Variants in EPN2 observed in about 807,000 individuals in gnomAD.
The protein encoded by EPN2 is epsin 2.
A neutral mutation model predicts 61.7 loss-of-function variants in EPN2; 34 were observed. That is an observed-to-expected ratio of 0.55 (90% CI 0.42 to 0.73). The LOEUF (loss-of-function observed/expected upper bound fraction) is 0.73, where lower values mean the gene tolerates loss of function less well. Ranked by LOEUF, EPN2 falls within the 30% of genes least tolerant of loss-of-function variation. The pLI, the probability that EPN2 is intolerant of heterozygous loss-of-function variation, is 0.00. For missense variants in EPN2, 714 were observed against 839.2 expected (o/e 0.85, Z 1.84); for synonymous variants, 349 against 353.6 (o/e 0.99, Z 0.15).
chr17:19,291,594 C>T lies in EPN2; in HGVS notation c.766+5804C>T, dbSNP rs552054848. On this transcript the variant is annotated intron_variant, in intron 4 of 10. Transcript: ENST00000314728. ...CTGGGACTACAGGCGCCCGCCACTG[C>T]GCCCGGCTAATTTTTTTTTGTGTTT... Among the ~76,000 whole-genome samples, 9 of 152,090 alleles carry T rather than the reference C, an allele frequency of 5.9e-5. No homozygotes were observed. The South Asian group carries it at 1.7e-3, about 28-fold the overall frequency.
intron 4 of EPN2, among the ~76,000 whole-genome samples, chr17:19,300,427 CTT>C (rs72338416): frequency 1.1e-4 from 12 of 108,932 alleles, no homozygotes; most frequent in Non-Finnish European, 1.6e-4. Flanking sequence ...AACTGTAAAT[CTT>C]TTTTTTTTTT....
chr17:19,311,622 G>A (rs959971170), intron 5 of EPN2, among the ~76,000 whole-genome samples: 2 of 152,066 alleles, frequency 1.3e-5, no homozygotes, highest in Admixed American at 6.6e-5. Context: ...GCCATTTTCC[G>A]GAAGCATACA....
intron 1 of EPN2, among the ~76,000 whole-genome samples, chr17:19,247,793 G>A (rs976554707): frequency 6.6e-6 from 1 of 152,236 alleles, no homozygotes; most frequent in African/African-American, 2.4e-5. Flanking sequence ...GCCTGGCCCA[G>A]ACTGGCTTCC....
intron 7 of EPN2, chr17:19,313,633 A>G (rs553887717): frequency 8.0e-6 from 2 of 250,672 alleles, no homozygotes; most frequent in Admixed American, 5.4e-5. Flanking sequence ...AATACACAGC[A>G]TGGAACATCC....
intron 7 of EPN2, among the ~76,000 whole-genome samples, chr17:19,317,319 A>G (rs1906429982): frequency 6.6e-6 from 1 of 152,234 alleles, no homozygotes; most frequent in Non-Finnish European, 1.5e-5. Context: ...CACACAAAGC[A>G]GCCACCTGGT....
intron 4 of EPN2, among the ~76,000 whole-genome samples, chr17:19,307,497 A>G (rs1045794508): frequency 6.6e-6 from 1 of 152,114 alleles, no homozygotes; most frequent in African/African-American, 2.4e-5. Flanking sequence ...TATTTTTAGT[A>G]GAGATGAGGT....
At chr17:19,281,331 T>A (rs1234993055) in intron 1 of EPN2, among the ~76,000 whole-genome samples, 1 of 152,182 alleles carries the variant, frequency 6.6e-6, no homozygotes, top group African/African-American at 2.4e-5. Flanking sequence ...CAAAAAGACA[T>A]CACTGTGGAG....
At chr17:19,296,667 G>A (rs2045523464) in intron 4 of EPN2, 1 of 152,132 alleles carries the variant, frequency 6.6e-6, no homozygotes, top group Non-Finnish European at 1.5e-5. Context: ...GGAGCATTGT[G>A]GCACAATCAT....
chr17:19,314,205 C>T (rs1353602977), intron 7 of EPN2, among the ~76,000 whole-genome samples: 1 of 152,108 alleles, frequency 6.6e-6, no homozygotes, highest in African/African-American at 2.4e-5. Flanking sequence ...AGGCCCTGCT[C>T]AGGAGCGGGC....
intron 4 of EPN2, chr17:19,307,870 C>T: frequency 1.0e-6 from 1 of 981,390 alleles, no homozygotes; most frequent in Non-Finnish European, 1.2e-6. Flanking sequence ...GTTTTATTCA[C>T]CATAGCCATG....
At chr17:19,276,778 T>TTTTTTTTTTTTTG (rs2045311124) in intron 1 of EPN2, among the ~76,000 whole-genome samples, 1 of 144,930 alleles carries the variant, frequency 6.9e-6, no homozygotes, top group African/African-American at 2.8e-5. Flanking sequence ...AATAAGTTTT[T>TTTTTTTTTTTTTG]TTTTTTTTTT....
intron 10 of EPN2, among the ~76,000 whole-genome samples, chr17:19,332,971 C>T (rs542782321): frequency 6.6e-4 from 100 of 152,380 alleles, no homozygotes; most frequent in Middle Eastern, 3.4e-3. Context: ...AGAATTACCA[C>T]TGAACTTACA....
In EPN2 at chr17:19,271,339, G is replaced by C. The variant is rs189904760; in HGVS notation, c.-293-10616G>C. 1.8e-3 allele frequency among the ~76,000 whole-genome samples: 270 copies of C among 152,304 alleles called. 1 individual carries two copies. The highest frequency in any genetic ancestry group is 6.0e-3 in the African/African-American group (251 of 41,566). ...GTCTAGTGACAGATAGAGGAAGGAC[G>C]CTGGGTGGGGGAAATGGCAGGTGCA... is the stretch of plus-strand genomic sequence containing the variant. On this transcript the variant is annotated intron_variant, in intron 1 of 10. Transcript: ENST00000314728.
intron 1 of EPN2, chr17:19,279,781 G>A (rs181651526): frequency 6.6e-6 from 1 of 150,628 alleles, no homozygotes; most frequent in Admixed American, 6.6e-5. Context: ...AACCATTTGA[G>A]ACCATTTTAC....
intron 4 of EPN2, among the ~76,000 whole-genome samples, chr17:19,286,025 G>A (rs565673999): frequency 6.6e-6 from 1 of 152,278 alleles, no homozygotes; most frequent in Non-Finnish European, 1.5e-5. Flanking sequence ...TTTAGCAGGG[G>A]AGCTGTTCTT....
chr17:19,247,162 A>T (rs2044962292), intron 1 of EPN2, among the ~76,000 whole-genome samples: 1 of 152,158 alleles, frequency 6.6e-6, no homozygotes, highest in Non-Finnish European at 1.5e-5. Context: ...TTGGAGAAAG[A>T]ATTTGTATGT....
intron 7 of EPN2, among the ~76,000 whole-genome samples, chr17:19,319,887 A>G (rs9915273): frequency 0.97 from 147,369 of 152,332 alleles, 71,548 homozygotes; most frequent in African/African-American, 0.99. Context: ...ACCTTGATCC[A>G]CCCGCCTCGG....
chr17:19,292,291 G>A (rs1270321102), intron 4 of EPN2, among the ~76,000 whole-genome samples: 2 of 152,188 alleles, frequency 1.3e-5, no homozygotes, highest in African/African-American at 2.4e-5. Context: ...CACCAGCCAG[G>A]TATTTCCTAG....
At chr17:19,259,439 A>G (rs2045116482) in intron 1 of EPN2, among the ~76,000 whole-genome samples, 1 of 150,404 alleles carries the variant, frequency 6.6e-6, no homozygotes, top group African/African-American at 2.5e-5. Context: ...CAGCCTCCTG[A>G]GTAGCTGGCA....
Sources: gnomAD v4.1 joint callset for allele counts (sites outside exome capture counted in the v4.1 genomes callset) on GRCh38, gnomAD v4.1.1 for gene constraint, MANE v1.5 for transcripts, NCBI Gene and HGNC (gene_info 2026-07-23, HGNC 2026-07-21) for gene names.